GMDS: variants seen among roughly 807,000 people sequenced by gnomAD.
The protein encoded by GMDS is GDP-mannose 4,6-dehydratase.
GMDS carries 20 observed loss-of-function variants against 49.9 expected under a neutral mutation model. That is an observed-to-expected ratio of 0.40 (90% CI 0.28 to 0.58). GMDS has a LOEUF of 0.58. Ranked by LOEUF, GMDS falls within the 20% of genes least tolerant of loss-of-function variation. GMDS has a pLI of 0.42. For missense variants in GMDS, 362 were observed against 481.4 expected, an observed-to-expected ratio of 0.75 and a Z score of 2.32; for synonymous variants, 177 against 178.6, an observed-to-expected ratio of 0.99 and a Z score of 0.07.
intron 6 of GMDS, among the ~76,000 whole-genome samples, chr6:1,949,607 T>C (rs973643676): frequency 6.6e-6 from 1 of 152,196 alleles, no homozygotes; most frequent in South Asian, 2.1e-4. Context: ...CAATTACACC[T>C]CATCTCTCCA....
chr6:2,075,874 C>T (rs1772308356), intron 4 of GMDS, among the ~76,000 whole-genome samples: 1 of 152,226 alleles, frequency 6.6e-6, no homozygotes, highest in African/African-American at 2.4e-5. Context: ...GTCCCACCAA[C>T]AGTGTAAAAG....
At position 1,820,427 on chromosome 6, in the gene GMDS, G is replaced by C. The variant is rs537952376; in HGVS notation, c.772-77841C>G. ...AAATGTAGCTATTGGTTATTAACTTGCAAATATAAGAAATAACATTTCGGT... is the reference window on the plus strand; with the variant it reads ...AAATGTAGCTATTGGTTATTAACTTCCAAATATAAGAAATAACATTTCGGT... On this transcript the variant is annotated intron_variant, in intron 7 of 10. Coordinates refer to ENST00000380815, the MANE Select transcript of GMDS (RefSeq NM_001500.4). Among the ~76,000 whole-genome samples the C allele has an allele frequency of 3.3e-5, 5 of 152,218 alleles. No homozygotes were observed. In the South Asian group the frequency reaches 1.0e-3, roughly 32 times the overall value.
At chr6:1,889,027 G>A (rs977045670) in intron 7 of GMDS, among the ~76,000 whole-genome samples, 1 of 152,160 alleles carries the variant, frequency 6.6e-6, no homozygotes, top group Admixed American at 6.5e-5. Context: ...GGGATTATAG[G>A]TATGAACCAC....
intron 7 of GMDS, among the ~76,000 whole-genome samples, chr6:1,898,231 C>A (rs1394314242): frequency 6.6e-6 from 1 of 152,248 alleles, no homozygotes; most frequent in Admixed American, 6.5e-5. Flanking sequence ...CCGGAAGAGA[C>A]CCTGGAGGCC....
intron 9 of GMDS, among the ~76,000 whole-genome samples, chr6:1,700,535 G>A (rs952571619): frequency 2.8e-4 from 42 of 152,234 alleles, no homozygotes; most frequent in African/African-American, 9.9e-4. Context: ...TTCTGGTTCC[G>A]AGGCACCCTC....
intron 7 of GMDS, among the ~76,000 whole-genome samples, chr6:1,753,625 C>T (rs2113527513): frequency 6.6e-6 from 1 of 152,262 alleles, no homozygotes; most frequent in South Asian, 2.1e-4. Flanking sequence ...TAAAACTGAC[C>T]ACATAATTGG....
chr6:1,673,967 A>ATTTTTTTTTTTTTTTTTTTT (rs1554106276), intron 9 of GMDS, among the ~76,000 whole-genome samples: 1 of 149,990 alleles, frequency 6.7e-6, no homozygotes, highest in Non-Finnish European at 1.5e-5. Flanking sequence ...GTTTAGGTTG[A>ATTTTTTTTTTTTTTTTTTTT]TTATTAATAA....
intron 7 of GMDS, among the ~76,000 whole-genome samples, chr6:1,815,885 T>C (rs1259025950): frequency 1.3e-5 from 2 of 152,204 alleles, no homozygotes; most frequent in Non-Finnish European, 2.9e-5. Context: ...CAGATTTCTT[T>C]CACAAGAAAA....
At chr6:1,829,780 C>A (rs144255458) in intron 7 of GMDS, among the ~76,000 whole-genome samples, 1 of 152,108 alleles carries the variant, frequency 6.6e-6, no homozygotes, top group African/African-American at 2.4e-5. Flanking sequence ...ATTAGGTGGA[C>A]GGGGGGAATC....
chr6:1,760,876 A>C (rs1768130860), intron 7 of GMDS, among the ~76,000 whole-genome samples: 2 of 152,168 alleles, frequency 1.3e-5, no homozygotes, highest in South Asian at 4.2e-4. Context: ...AATTGCTCTT[A>C]CTAACTTGAC....
chr6:1,966,794 G>A (rs1192271709), intron 4 of GMDS, among the ~76,000 whole-genome samples: 1 of 152,092 alleles, frequency 6.6e-6, no homozygotes, highest in Non-Finnish European at 1.5e-5. Context: ...TCTGTAAATA[G>A]CACCCATTCC....
chr6:1,692,988 C>T (rs1765226339), intron 9 of GMDS, among the ~76,000 whole-genome samples: 1 of 152,106 alleles, frequency 6.6e-6, no homozygotes, highest in Non-Finnish European at 1.5e-5. Flanking sequence ...TTTTGTATTC[C>T]TGTACATACT....
chr6:1,989,073 C>T (rs149267861), intron 4 of GMDS, among the ~76,000 whole-genome samples: 6 of 152,284 alleles, frequency 3.9e-5, no homozygotes, highest in Admixed American at 2.0e-4. Context: ...ACAATGGGAA[C>T]GGAGAACGTT....
At chr6:1,874,506 C>G (rs540770329) in intron 7 of GMDS, among the ~76,000 whole-genome samples, 59 of 152,158 alleles carry the variant, frequency 3.9e-4, no homozygotes, top group African/African-American at 1.4e-3. Flanking sequence ...TTAATTAATC[C>G]TAGTTTCCAT....
At chr6:2,222,389 C>G (rs1780632771) in intron 1 of GMDS, among the ~76,000 whole-genome samples, 1 of 152,224 alleles carries the variant, frequency 6.6e-6, no homozygotes, top group Non-Finnish European at 1.5e-5. Flanking sequence ...CCCTCAACTG[C>G]TTCCATTCTC....
Position 2,213,923 on chromosome 6 carries a change from T to C in GMDS, c.102+31398A>G, listed in dbSNP as rs376439867. Among the ~76,000 whole-genome samples, 23 of 152,342 alleles carry C rather than the reference T, an allele frequency of 1.5e-4. No individual in the cohort carries two copies. The East Asian group carries it at 2.5e-3, about 17-fold the overall frequency. ...GTCAAGATGACCTACGGAGTGTTAA[T>C]TTTTCATTTAAATATTTTCAAAATT... On this transcript the variant is annotated intron_variant, in intron 1 of 10. Transcript: ENST00000380815.
chr6:2,144,044 A>G (rs746586162), intron 1 of GMDS, among the ~76,000 whole-genome samples: 1 of 152,206 alleles, frequency 6.6e-6, no homozygotes, highest in African/African-American at 2.4e-5. Flanking sequence ...GTAATAATAA[A>G]AATAACAGGC....
At chr6:2,051,406 C>T (rs1440226285) in intron 4 of GMDS, among the ~76,000 whole-genome samples, 2 of 152,116 alleles carry the variant, frequency 1.3e-5, no homozygotes, top group Admixed American at 6.5e-5. Context: ...GTAAAAGCAC[C>T]ATATAATTTT....
At chr6:2,112,583 C>T (rs952505321) in intron 4 of GMDS, among the ~76,000 whole-genome samples, 1 of 152,090 alleles carries the variant, frequency 6.6e-6, no homozygotes, top group African/African-American at 2.4e-5. Flanking sequence ...CAAGCTTTAC[C>T]CATCATATTC....
Sources: gnomAD v4.1 joint callset for allele counts (sites outside exome capture counted in the v4.1 genomes callset) on GRCh38, gnomAD v4.1.1 for gene constraint, MANE v1.5 for transcripts, NCBI Gene and HGNC (gene_info 2026-07-23, HGNC 2026-07-21) for gene names.